AGMO: variants seen among roughly 807,000 people sequenced by gnomAD.
AGMO encodes glyceryl-ether monooxygenase.
AGMO carries 75 observed loss-of-function variants against 60.2 expected under a neutral mutation model. That is an observed-to-expected ratio of 1.25 (90% CI 1.03 to 1.51). AGMO has a LOEUF of 1.51. Ranked by LOEUF, AGMO falls within the 40% of genes most tolerant of loss-of-function variation. The pLI is 0.00. For missense variants in AGMO, 763 were observed against 525.5 expected (o/e 1.45, Z -4.42); for synonymous variants, 261 against 177.1 (o/e 1.47, Z -3.76).
At chr7:15,277,201 G>T (rs148619651) in intron 12 of AGMO, among the ~76,000 whole-genome samples, 2 of 151,800 alleles carry the variant, frequency 1.3e-5, no homozygotes, top group Non-Finnish European at 2.9e-5. Flanking sequence ...CCAGCTAGTC[G>T]GGAGGCTGAG....
chr7:15,250,919 T>C (rs1396879045), intron 12 of AGMO, among the ~76,000 whole-genome samples: 1 of 151,430 alleles, frequency 6.6e-6, no homozygotes, highest in African/African-American at 2.4e-5. Flanking sequence ...CACTCCAGCC[T>C]AGGCAATAAG....
At chr7:15,543,778 C>A (rs997573340) in intron 3 of AGMO, among the ~76,000 whole-genome samples, 6 of 151,556 alleles carry the variant, frequency 4.0e-5, no homozygotes, top group African/African-American at 1.5e-4. Flanking sequence ...TTTTCCTCTG[C>A]GTAAAGAAGG....
At chr7:15,418,425 T>G (rs186383900) in intron 5 of AGMO, 133 bp downstream of exon 5, 2 of 613,372 alleles carry the variant, frequency 3.3e-6, no homozygotes, top group Admixed American at 3.5e-5. Flanking sequence ...CGAATAAAAA[T>G]GAACAGATGT....
At chr7:15,257,004 T>C (rs1012306628) in intron 12 of AGMO, among the ~76,000 whole-genome samples, 10 of 152,224 alleles carry the variant, frequency 6.6e-5, no homozygotes, top group African/African-American at 2.4e-4. Context: ...GCATTTCTTT[T>C]ATAAGTCTTA....
At chr7:15,207,696 A>G (rs1361160564) in intron 12 of AGMO, among the ~76,000 whole-genome samples, 1 of 152,228 alleles carries the variant, frequency 6.6e-6, no homozygotes, top group Non-Finnish European at 1.5e-5. Flanking sequence ...ACACTTTGGG[A>G]GACCAAGGTG....
intron 12 of AGMO, among the ~76,000 whole-genome samples, chr7:15,244,712 C>T (rs567257040): frequency 1.3e-5 from 2 of 152,120 alleles, no homozygotes; most frequent in Middle Eastern, 3.4e-3. Flanking sequence ...AGTGCAGTGG[C>T]GCGATCTCGG....
chr7:15,314,951 C>T (rs558068458), intron 12 of AGMO, among the ~76,000 whole-genome samples: 3 of 152,108 alleles, frequency 2.0e-5, no homozygotes, highest in Non-Finnish European at 4.4e-5. Flanking sequence ...TGGCTCTAAT[C>T]TGTAGGGACC....
At chr7:15,553,931 C>T in intron 2 of AGMO, among the ~76,000 whole-genome samples, 1 of 152,092 alleles carries the variant, frequency 6.6e-6, no homozygotes, top group East Asian at 1.9e-4. Flanking sequence ...AGCCTAACTT[C>T]CCTCAAGACA....
chr7:15,291,866 G>A (rs1457824726), intron 12 of AGMO, among the ~76,000 whole-genome samples: 1 of 152,172 alleles, frequency 6.6e-6, no homozygotes, highest in Non-Finnish European at 1.5e-5. Flanking sequence ...GCTTCCTTCT[G>A]GAGAAGAAAG....
the AGMO span, among the ~76,000 whole-genome samples, chr7:15,132,984 C>T: frequency 4.6e-5 from 7 of 152,082 alleles, no homozygotes; most frequent in Non-Finnish European, 8.8e-5. Flanking sequence ...TAATGGTCAA[C>T]CTTTGACAGA....
rs189231494 is a variant in AGMO, at chr7:15,333,344, G to C, written c.1263+32170C>G. 2.0e-5 allele frequency among the ~76,000 whole-genome samples: 3 copies of C among 152,046 alleles called. No individual in the cohort carries two copies. In the East Asian group the frequency reaches 5.8e-4, roughly 29 times the overall value. ...ATAAGGTGCACTTATAAATGAATTGGGAAAATGTTTTTCTGGTCTTAGAAA... is the reference window on the plus strand; with the variant it reads ...ATAAGGTGCACTTATAAATGAATTGCGAAAATGTTTTTCTGGTCTTAGAAA... On this transcript the variant is annotated intron_variant, in intron 12 of 12. Transcript: ENST00000342526.
At chr7:15,440,325 T>C (rs1336810190) in intron 3 of AGMO, among the ~76,000 whole-genome samples, 1 of 152,012 alleles carries the variant, frequency 6.6e-6, no homozygotes. Flanking sequence ...TACCACTCAA[T>C]CATAGGAGAG....
At chr7:15,504,336 A>C (rs1783457160) in intron 3 of AGMO, among the ~76,000 whole-genome samples, 1 of 152,018 alleles carries the variant, frequency 6.6e-6, no homozygotes, top group South Asian at 2.1e-4. Flanking sequence ...CTACTCTCCA[A>C]AGAACATTTG....
At chr7:15,430,644 A>AAC (rs1554271306) in intron 4 of AGMO, among the ~76,000 whole-genome samples, 8,059 of 144,330 alleles carry the variant, frequency 0.056, 409 homozygotes, top group African/African-American at 0.13. Flanking sequence ...AAAAAAAAAA[A>AAC]AACTGGTAAA....
intron 3 of AGMO, among the ~76,000 whole-genome samples, chr7:15,493,141 T>C (rs75542237): frequency 0.015 from 2,295 of 152,226 alleles, 54 homozygotes; most frequent in African/African-American, 0.052. Context: ...TTTATATCAG[T>C]GCTTTATTTT....
At chr7:15,128,998 G>A in the AGMO span, among the ~76,000 whole-genome samples, 1 of 152,164 alleles carries the variant, frequency 6.6e-6, no homozygotes, top group South Asian at 2.1e-4. Context: ...CTCCTAATTG[G>A]AGGCTGTTTG....
At chr7:15,282,531 A>AAAAAAGAAT (rs1783996902) in intron 12 of AGMO, among the ~76,000 whole-genome samples, 1 of 152,180 alleles carries the variant, frequency 6.6e-6, no homozygotes, top group Admixed American at 6.5e-5. Context: ...AATAATAAAG[A>AAAAAAGAAT]AAAAAGAATC....
chr7:15,147,166 T>C, the AGMO span, among the ~76,000 whole-genome samples: 4 of 152,090 alleles, frequency 2.6e-5, no homozygotes, highest in African/African-American at 4.8e-5. Context: ...ATGCCAACCT[T>C]AGAAGAAGTG....
intron 10 of AGMO, among the ~76,000 whole-genome samples, chr7:15,371,060 A>G (rs1469950063): frequency 6.6e-6 from 1 of 152,168 alleles, no homozygotes; most frequent in Admixed American, 6.5e-5. Flanking sequence ...CTGGCTAGCC[A>G]TATGCAGAAG....
Sources: gnomAD v4.1 joint callset for allele counts (sites outside exome capture counted in the v4.1 genomes callset) on GRCh38, gnomAD v4.1.1 for gene constraint, MANE v1.5 for transcripts, NCBI Gene and HGNC (gene_info 2026-07-23, HGNC 2026-07-21) for gene names.